Variants in STARD9 observed in about 807,000 individuals in gnomAD.
STARD9 encodes StAR related lipid transfer domain containing 9, also known as stAR-related lipid transfer protein 9.
Under a neutral mutation model 399.8 loss-of-function variants are expected in STARD9, and 346 were observed. That is an observed-to-expected ratio of 0.87 (90% CI 0.79 to 0.95). STARD9 has a LOEUF of 0.95. STARD9 is among the 40% of genes least tolerant of loss of function. The pLI, the probability that STARD9 is intolerant of heterozygous loss-of-function variation, is 0.00. For missense variants in STARD9, 5,832 were observed against 5,667.5 expected, an observed-to-expected ratio of 1.03 and a Z score of -0.93; for synonymous variants, 2,203 against 2,143.5, an observed-to-expected ratio of 1.03 and a Z score of -0.77.
intron 3 of STARD9, among the ~76,000 whole-genome samples, chr15:42,626,906 A>T (rs1378385867): frequency 6.6e-6 from 1 of 151,158 alleles, no homozygotes; most frequent in Non-Finnish European, 1.5e-5. Flanking sequence ...GATGGAGTGC[A>T]GTGGTGTGAT....
chr15:42,612,279 C>T (rs2058866111), intron 3 of STARD9, among the ~76,000 whole-genome samples: 1 of 152,162 alleles, frequency 6.6e-6, no homozygotes, highest in Non-Finnish European at 1.5e-5. Flanking sequence ...CGCCTGGCCC[C>T]TTATTAGCAT....
At chr15:42,587,514 G>C (rs546256359) in intron 3 of STARD9, among the ~76,000 whole-genome samples, 2 of 152,252 alleles carry the variant, frequency 1.3e-5, no homozygotes, top group African/African-American at 4.8e-5. Context: ...TTTTGAATAC[G>C]AGGACAGGGG....
chr15:42,648,363 A>G (rs1374777074), intron 7 of STARD9, among the ~76,000 whole-genome samples: 5 of 152,116 alleles, frequency 3.3e-5, no homozygotes, highest in Non-Finnish European at 5.9e-5. Context: ...GGGTTTCACC[A>G]TGTTGGCCAG....
At chr15:42,661,767 C>T (rs1479207524) in intron 10 of STARD9, among the ~76,000 whole-genome samples, 1 of 151,984 alleles carries the variant, frequency 6.6e-6, no homozygotes, top group African/African-American at 2.4e-5. Context: ...ACCTGAGGAC[C>T]TTTTAAAACT....
chr15:42,597,301 A>G (rs2058526458), intron 3 of STARD9, among the ~76,000 whole-genome samples: 1 of 152,082 alleles, frequency 6.6e-6, no homozygotes, highest in Admixed American at 6.6e-5. Context: ...CCTGGGCTCC[A>G]CCTTGGCCTC....
At chr15:42,639,852 A>AG (rs2059498245) in intron 7 of STARD9, among the ~76,000 whole-genome samples, 1 of 151,952 alleles carries the variant, frequency 6.6e-6, no homozygotes. Flanking sequence ...CGACAGAGCA[A>AG]GACGCCATCT....
chr15:42,579,993 A>C (rs956280598), intron 1 of STARD9, among the ~76,000 whole-genome samples: 1 of 152,194 alleles, frequency 6.6e-6, no homozygotes, highest in Admixed American at 6.6e-5. Flanking sequence ...CACTTTCTTG[A>C]AGTACAAGAG....
At position 42,685,765 on chromosome 15, in the gene STARD9, C is replaced by T; in HGVS notation, c.4187C>T (p.Ser1396Phe). ...SDAETVLPYSSKLHQGSTELL... is the reference protein window; with the variant it reads ...SDAETVLPYSFKLHQGSTELL... The stretch of plus-strand genomic sequence containing the variant: ...GCAGAAACGGTTCTGCCATATAGCT[C>T]CAAACTGCACCAAGGCAGTACTGAG... Residue 1396 changes from serine to phenylalanine, a missense_variant, in exon 23 of 33, where the codon TCC becomes TTC. By Grantham distance (155) the Ser-to-Phe change is radical. This residue lies in a region of STARD9 where 5,828 missense variants were observed against 5,651.1 expected (regional missense o/e 1.03). Transcript: ENST00000290607. 6.5e-7 allele frequency: 1 copy of T among 1,537,338 alleles called. No homozygotes were observed. The highest frequency in any genetic ancestry group is 8.7e-7 in the Non-Finnish European group (1 of 1,146,936).
At chr15:42,625,904 G>GTTA (rs938624666) in intron 3 of STARD9, among the ~76,000 whole-genome samples, 4 of 151,772 alleles carry the variant, frequency 2.6e-5, no homozygotes, top group African/African-American at 4.8e-5. Flanking sequence ...TGAAGAAAGA[G>GTTA]TTATTATTAT....
chr15:42,637,645 T>G (rs1023895485), intron 4 of STARD9, among the ~76,000 whole-genome samples: 4 of 152,218 alleles, frequency 2.6e-5, no homozygotes, highest in African/African-American at 9.6e-5. Context: ...AAAGCAGGTA[T>G]CTGGGTTTGC....
chr15:42,605,906 T>A (rs2058714219), intron 3 of STARD9, among the ~76,000 whole-genome samples: 1 of 152,228 alleles, frequency 6.6e-6, no homozygotes, highest in Non-Finnish European at 1.5e-5. Context: ...CATGTCGTGG[T>A]CTCTGGCTGG....
At position 42,710,211 on chromosome 15, in the gene STARD9, C is replaced by CCGGGTACTTTTGT. The variant is rs1361634947; in HGVS notation, c.13285-6466_13285-6465insCGGGTACTTTTGT. 4.6e-3 allele frequency among the ~76,000 whole-genome samples: 703 copies of CCGGGTACTTTTGT among 151,942 alleles called. 10 individuals carry two copies. The highest frequency in any genetic ancestry group is 0.016 in the African/African-American group (668 of 41,378). Reference sequence around the variant, plus strand: ...GAGTACCTGGAGTACAGGTGTGCACCACCATGCCCGGGTACTTTTGTATTT... The same window carrying CCGGGTACTTTTGT: ...GAGTACCTGGAGTACAGGTGTGCACCCGGGTACTTTTGTACCATGCCCGGGTACTTTTGTATTT... On this transcript the variant is annotated intron_variant, in intron 26 of 32. Coordinates refer to ENST00000290607, the MANE Select transcript of STARD9 (RefSeq NM_020759.3).
intron 26 of STARD9, among the ~76,000 whole-genome samples, chr15:42,696,445 G>T (rs1359762622): frequency 6.6e-6 from 1 of 152,206 alleles, no homozygotes; most frequent in African/African-American, 2.4e-5. Flanking sequence ...TAAAGAGCGA[G>T]ATGGGAAAAT....
chr15:42,681,904 G>A (rs1429897627), intron 21 of STARD9, among the ~76,000 whole-genome samples, 200 bp from the exon 22 acceptor site: 1 of 152,014 alleles, frequency 6.6e-6, no homozygotes, highest in Non-Finnish European at 1.5e-5. Context: ...GCCCACTGCT[G>A]TGCTGAGTCC....
rs1027105478 is a variant in STARD9, at chr15:42,689,847, C to G, written c.8269C>G (p.Leu2757Val). 1.3e-6 allele frequency: 2 copies of G among 1,537,224 alleles called. No individual in the cohort carries two copies. Reference sequence around the variant, plus strand: ...CCCTTATGATGATCCTAGAGTGACTCTGCATGAGCTAAGTCAGTCAGTTCC... The same window carrying G: ...CCCTTATGATGATCCTAGAGTGACTGTGCATGAGCTAAGTCAGTCAGTTCC... ...QAPYDDPRVT[L>V]HELSQSVPQE... Residue 2757 changes from leucine to valine, a missense_variant, in exon 23 of 33, where the codon CTG becomes GTG. Physicochemically the swap from Leu to Val is conservative, Grantham distance 32. Around this residue, in one of 2 missense-constraint regions of STARD9, gnomAD observed 5,828 missense variants for 5,651.1 expected, o/e 1.03. Transcript: ENST00000290607.
Position 42,689,263 on chromosome 15 carries a change from G to C in STARD9, c.7685G>C (p.Arg2562Thr), listed in dbSNP as rs1240066634. The change falls in exon 23 of 33, where the codon AGA becomes ACA. Residue 2562 changes from arginine to threonine, a missense_variant. Transcript: ENST00000290607. ...LEEIRQAKAQ[R>T]KQLHDFVARG... ...GAGATCAGACAGGCAAAGGCCCAGA[G>C]AAAGCAGCTTCATGACTTTGTGGCC... 2 of 1,537,162 alleles carry C rather than the reference G, an allele frequency of 1.3e-6. No individual in the cohort carries two copies. Among genetic ancestry groups the C allele is most frequent in the Non-Finnish European group, 1.7e-6 (2 of 1,146,932 alleles).
Position 42,685,968 on chromosome 15 carries a change from A to T in STARD9, c.4390A>T (p.Asn1464Tyr), listed in dbSNP as rs893079266. The change falls in exon 23 of 33, where the codon AAC becomes TAC. Residue 1464 changes from asparagine to tyrosine, a missense_variant. By Grantham distance (143) the Asn-to-Tyr change is moderately radical. Coordinates refer to ENST00000290607, the MANE Select transcript of STARD9 (RefSeq NM_020759.3). Reference sequence around the variant, plus strand: ...AGCATCCCACAATTCTAGCGTATCAAACGTGCTGGCTGCCTCTGCCACCAC... The same window carrying T: ...AGCATCCCACAATTCTAGCGTATCATACGTGCTGGCTGCCTCTGCCACCAC... Reference protein sequence around the residue: ...SEASHNSSVSNVLAASATTLT... With the variant: ...SEASHNSSVSYVLAASATTLT... The T allele has an allele frequency of 1.3e-6, 2 of 1,537,164 alleles. No homozygotes were observed. The highest frequency in any genetic ancestry group is 2.0e-5 in the Admixed American group (1 of 50,990).
chr15:42,672,228 T>C (rs16957020), intron 16 of STARD9: 39,176 of 152,124 alleles, frequency 0.26, 5,733 homozygotes, highest in African/African-American at 0.38. Context: ...AGCTGTTTTT[T>C]CCTGGGTCAC....
In STARD9 at chr15:42,630,000, C is replaced by CTTTTTTTTTTT. The variant is rs1158967224; in HGVS notation, c.235-4847_235-4837dup. The CTTTTTTTTTTT allele has an allele frequency of 1.6e-4, 20 of 124,326 alleles. 1 individual carries two copies. The highest frequency in any genetic ancestry group is 2.6e-4 in the South Asian group (1 of 3,920). 7.7% of individuals were successfully genotyped at this position (124,326 alleles called of 1,614,324 possible). The stretch of plus-strand genomic sequence containing the variant: ...GGTCACGATAAATGATCTTTTTTTT[C>CTTTTTTTTTTT]TTTTTTTTTTTTTTTTTTTGTGAGA... On this transcript the variant is annotated intron_variant, in intron 3 of 32. Coordinates refer to ENST00000290607, the MANE Select transcript of STARD9 (RefSeq NM_020759.3).
Sources: gnomAD v4.1 joint callset for allele counts (sites outside exome capture counted in the v4.1 genomes callset) on GRCh38, gnomAD v4.1.1 for gene constraint, gnomAD v4.1.1 regional missense constraint, MANE v1.5 for transcripts, NCBI Gene and HGNC (gene_info 2026-07-23, HGNC 2026-07-21) for gene names.